Variants in DCAF6 observed in about 807,000 individuals in gnomAD.
DCAF6 encodes DDB1 and CUL4 associated factor 6.
Under a neutral mutation model 125.1 loss-of-function variants are expected in DCAF6, and 54 were observed. The ratio of observed to expected loss-of-function variants is 0.43; its 90% CI spans 0.35 to 0.54. The LOEUF is 0.54. DCAF6 is among the 20% of genes least tolerant of loss of function. DCAF6 has a pLI of 0.01. For missense variants in DCAF6, 934 were observed against 1,161.7 expected (o/e 0.80, Z 2.85); for synonymous variants, 371 against 390.4 (o/e 0.95, Z 0.58).
chr1:167,960,962 T>C (rs1675497297), intron 2 of DCAF6, among the ~76,000 whole-genome samples: 1 of 152,178 alleles, frequency 6.6e-6, no homozygotes, highest in Non-Finnish European at 1.5e-5. Context: ...TACTGAATCT[T>C]TCTATTTATT....
chr1:167,961,134 C>T (rs964851155), intron 2 of DCAF6, among the ~76,000 whole-genome samples: 1 of 152,044 alleles, frequency 6.6e-6, no homozygotes, highest in Non-Finnish European at 1.5e-5. Flanking sequence ...AATTCAAATT[C>T]CACTTGTTCA....
intron 10 of DCAF6, among the ~76,000 whole-genome samples, chr1:168,009,484 T>C (rs555185663): frequency 5.4e-5 from 6 of 111,554 alleles, no homozygotes; most frequent in East Asian, 3.2e-4. Context: ...CTCCCTCCCT[T>C]CCTTCACTTC....
the DCAF6 span, among the ~76,000 whole-genome samples, chr1:167,867,209 A>G: frequency 6.6e-6 from 1 of 152,280 alleles, no homozygotes; most frequent in South Asian, 2.1e-4. Context: ...ACCATCCTTA[A>G]ACATCAGTAA....
At chr1:168,013,813 G>A (rs570385052) in intron 10 of DCAF6, among the ~76,000 whole-genome samples, 62 of 151,994 alleles carry the variant, frequency 4.1e-4, no homozygotes, top group Middle Eastern at 3.4e-3. Flanking sequence ...TGGTGCAGTC[G>A]TGGCTTACTG....
intron 2 of DCAF6, among the ~76,000 whole-genome samples, chr1:167,965,614 T>C (rs1162905706): frequency 6.6e-6 from 1 of 152,126 alleles, no homozygotes; most frequent in Non-Finnish European, 1.5e-5. Flanking sequence ...CCCCACCGCA[T>C]GACTGGGTTC....
the DCAF6 span, among the ~76,000 whole-genome samples, chr1:167,923,832 G>T: frequency 2.0e-5 from 3 of 152,054 alleles, no homozygotes; most frequent in African/African-American, 4.8e-5. Context: ...GTCTGTGATG[G>T]GGCCTAACAA....
intron 1 of DCAF6, among the ~76,000 whole-genome samples, chr1:167,949,343 T>C (rs922679415): frequency 2.6e-5 from 4 of 152,236 alleles, no homozygotes; most frequent in African/African-American, 9.6e-5. Context: ...GTGAGGTTTA[T>C]ATAGTGAATA....
At chr1:167,875,070 CTT>C in the DCAF6 span, 2 of 1,324,530 alleles carry the variant, frequency 1.5e-6, no homozygotes, top group Non-Finnish European at 2.2e-6. Flanking sequence ...CATTGATGTA[CTT>C]TTCTGCATGT....
chr1:167,991,889 C>T (rs1226186674), intron 6 of DCAF6, among the ~76,000 whole-genome samples: 3 of 152,024 alleles, frequency 2.0e-5, no homozygotes, highest in Non-Finnish European at 4.4e-5. Flanking sequence ...GAGGTGGGCC[C>T]TGGATTAGGT....
chr1:168,074,868 A>G (rs1008664520), intron 21 of DCAF6, among the ~76,000 whole-genome samples: 9 of 152,244 alleles, frequency 5.9e-5, no homozygotes, highest in Admixed American at 4.6e-4. Context: ...TCACTTGAGT[A>G]TTTAACCTAA....
the DCAF6 span, among the ~76,000 whole-genome samples, chr1:167,911,580 G>A: frequency 6.6e-6 from 1 of 152,192 alleles, no homozygotes; most frequent in Non-Finnish European, 1.5e-5. Context: ...AATACAGAAT[G>A]TGAGGTCCTG....
chr1:167,937,178 G>C, intron 1 of DCAF6, 170 bp downstream of exon 1: 1 of 633,318 alleles, frequency 1.6e-6, no homozygotes, highest in Non-Finnish European at 2.8e-6. Flanking sequence ...GCCTCCCCCA[G>C]TCAAGCCCCC....
chr1:167,975,960 C>T (rs1678088578), intron 4 of DCAF6, among the ~76,000 whole-genome samples: 1 of 152,080 alleles, frequency 6.6e-6, no homozygotes, highest in African/African-American at 2.4e-5. Flanking sequence ...CATTTGAATT[C>T]CAGTTCTTTT....
intron 11 of DCAF6, among the ~76,000 whole-genome samples, chr1:168,020,600 T>A (rs889676163): frequency 2.0e-5 from 3 of 152,166 alleles, no homozygotes; most frequent in Non-Finnish European, 4.4e-5. Flanking sequence ...AAACTACCAT[T>A]GGACCATATA....
intron 3 of DCAF6, among the ~76,000 whole-genome samples, chr1:167,970,994 G>A (rs972815522): frequency 3.9e-5 from 6 of 152,188 alleles, no homozygotes; most frequent in South Asian, 2.1e-4. Context: ...AATATCTTTT[G>A]TAAAATAAAT....
the DCAF6 span, among the ~76,000 whole-genome samples, chr1:167,872,431 C>T: frequency 1.3e-4 from 20 of 151,504 alleles, no homozygotes; most frequent in African/African-American, 4.8e-4. Flanking sequence ...ATACAGAACA[C>T]CTACTGGTAG....
At chr1:168,035,073 C>G (rs933253436) in intron 12 of DCAF6, among the ~76,000 whole-genome samples, 1 of 152,034 alleles carries the variant, frequency 6.6e-6, no homozygotes, top group Non-Finnish European at 1.5e-5. Flanking sequence ...TATGACCAAG[C>G]AAACTAGAAT....
At chr1:167,979,017 G>A (rs955072923) in intron 4 of DCAF6, among the ~76,000 whole-genome samples, 3 of 151,986 alleles carry the variant, frequency 2.0e-5, no homozygotes, top group Non-Finnish European at 4.4e-5. Context: ...AGTATCTTTT[G>A]CATCCTGGTT....
At chr1:168,024,049 T>TC (rs1686004636) in intron 12 of DCAF6, 1 of 148,390 alleles carries the variant, frequency 6.7e-6, no homozygotes, top group African/African-American at 2.6e-5. Context: ...ACCCCGTCTC[T>TC]TAAAAAAAAA....
Sources: gnomAD v4.1 joint callset for allele counts (sites outside exome capture counted in the v4.1 genomes callset) on GRCh38, gnomAD v4.1.1 for gene constraint, MANE v1.5 for transcripts, NCBI Gene and HGNC (gene_info 2026-07-23, HGNC 2026-07-21) for gene names.